The following CDH4 variants were observed in gnomAD, a reference collection of about 807,000 sequenced individuals.
CDH4 encodes cadherin 4, also known as cadherin-4.
Under a neutral mutation model 86.0 loss-of-function variants are expected in CDH4, and 33 were observed. The observed-to-expected ratio is 0.38, with a 90% CI of 0.29 to 0.51. CDH4 has a LOEUF of 0.51. Ranked by LOEUF, CDH4 falls within the 20% of genes least tolerant of loss-of-function variation. The probability of loss-of-function intolerance (pLI) is 0.86; values close to 1 mark genes in which losing one functional copy is unlikely to be tolerated. For synonymous variants in CDH4, 555 were observed against 549.4 expected, an observed-to-expected ratio of 1.01 and a Z score of -0.14; for missense variants, 1,114 against 1,307.4, an observed-to-expected ratio of 0.85 and a Z score of 2.28.
At chr20:61,722,632 C>T (rs2088055677) in intron 2 of CDH4, among the ~76,000 whole-genome samples, 1 of 140,922 alleles carries the variant, frequency 7.1e-6, no homozygotes, top group African/African-American at 3.2e-5. Context: ...AGGGCGCCCC[C>T]CCACCCCCCA....
In CDH4 at chr20:61,280,903, C is replaced by T. The variant is rs540551535; in HGVS notation, c.169+25966C>T. 9.2e-5 allele frequency among the ~76,000 whole-genome samples: 14 copies of T among 152,352 alleles called. No individual in the cohort carries two copies. In the South Asian group the frequency reaches 2.5e-3, roughly 27 times the overall value. On this transcript the variant is annotated intron_variant, in intron 2 of 15. Transcript: ENST00000614565. Reference sequence around the variant, plus strand: ...TAGGTGTCGGGGTCCAGGAACAGCTCACCCTGCCGCCCGCTGCCTGCTGCG... The same window carrying T: ...TAGGTGTCGGGGTCCAGGAACAGCTTACCCTGCCGCCCGCTGCCTGCTGCG...
chr20:61,382,376 AGGTG>A (rs1260838848), intron 2 of CDH4, among the ~76,000 whole-genome samples: 1 of 152,176 alleles, frequency 6.6e-6, no homozygotes, highest in African/African-American at 2.4e-5. Flanking sequence ...CCAAGAGGAA[AGGTG>A]GGTGAAACAC....
chr20:61,869,213 T>G (rs1983689343), intron 6 of CDH4, among the ~76,000 whole-genome samples: 1 of 152,194 alleles, frequency 6.6e-6, no homozygotes, highest in Non-Finnish European at 1.5e-5. Flanking sequence ...CCCTGTATTT[T>G]TAAAAACCAA....
intron 2 of CDH4, among the ~76,000 whole-genome samples, chr20:61,456,516 T>C (rs2085407686): frequency 2.0e-5 from 3 of 152,220 alleles, no homozygotes; most frequent in Non-Finnish European, 4.4e-5. Context: ...CTGCTATACA[T>C]CTCTCAATGC....
chr20:61,610,691 C>T lies in CDH4; in HGVS notation c.170-132872C>T, dbSNP rs748886823. Among the ~76,000 whole-genome samples, 39 of 152,146 alleles carry T rather than the reference C, an allele frequency of 2.6e-4. 1 individual carries two copies. The highest frequency in any genetic ancestry group is 6.2e-4 in the South Asian group (3 of 4,822). On this transcript the variant is annotated intron_variant, in intron 2 of 15. Transcript: ENST00000614565. Reference sequence around the variant, plus strand: ...TCTGTTGGGTGAGGTCATATTTCCCCAAGTGTTCTTGATGCCTGTGGACAT... The same window carrying T: ...TCTGTTGGGTGAGGTCATATTTCCCTAAGTGTTCTTGATGCCTGTGGACAT...
intron 2 of CDH4, among the ~76,000 whole-genome samples, chr20:61,551,667 A>C (rs1236724986): frequency 6.6e-6 from 1 of 152,186 alleles, no homozygotes; most frequent in Non-Finnish European, 1.5e-5. Context: ...TCTGCACAAT[A>C]GTGTCCTGTT....
intron 2 of CDH4, among the ~76,000 whole-genome samples, chr20:61,647,336 C>T (rs929718593): frequency 6.6e-6 from 1 of 152,068 alleles, no homozygotes; most frequent in Non-Finnish European, 1.5e-5. Flanking sequence ...CACGCTTTGC[C>T]CTAGCGCAAC....
chr20:61,617,927 A>G (rs986619648), intron 2 of CDH4, among the ~76,000 whole-genome samples: 7 of 152,150 alleles, frequency 4.6e-5, no homozygotes, highest in African/African-American at 1.7e-4. Flanking sequence ...TTCTCATGGT[A>G]GTGAGTGAAT....
chr20:61,599,848 C>T, intron 2 of CDH4: 1 of 985,604 alleles, frequency 1.0e-6, no homozygotes, highest in Non-Finnish European at 1.2e-6. Flanking sequence ...AGCCCGCTTC[C>T]CTTCGCCGCA....
chr20:61,900,191 T>C (rs1430038304), intron 8 of CDH4, among the ~76,000 whole-genome samples: 1 of 152,184 alleles, frequency 6.6e-6, no homozygotes, highest in Non-Finnish European at 1.5e-5. Flanking sequence ...GTGCCCACTC[T>C]GGCCAAGCCC....
At chr20:61,934,500 A>C (rs1377735375) in intron 15 of CDH4, among the ~76,000 whole-genome samples, 1 of 152,212 alleles carries the variant, frequency 6.6e-6, no homozygotes, top group African/African-American at 2.4e-5. Context: ...CTTCGTAAGA[A>C]TTCGGGTTTG....
intron 7 of CDH4, among the ~76,000 whole-genome samples, chr20:61,885,560 C>G (rs767323111): frequency 6.6e-6 from 1 of 152,334 alleles, no homozygotes; most frequent in Non-Finnish European, 1.5e-5. Context: ...CTGTTCGGCC[C>G]TTTTGGCTGC....
chr20:61,901,416 C>T (rs56146506), intron 8 of CDH4, among the ~76,000 whole-genome samples: 153 of 152,358 alleles, frequency 1.0e-3, no homozygotes, highest in Non-Finnish European at 1.4e-3. Context: ...TGTAGGTTTA[C>T]GCTATCAATT....
intron 2 of CDH4, among the ~76,000 whole-genome samples, chr20:61,737,461 C>A (rs948623251): frequency 6.6e-6 from 1 of 152,158 alleles, no homozygotes; most frequent in Non-Finnish European, 1.5e-5. Context: ...CCATCCCACC[C>A]CAGGGACCCC....
intron 2 of CDH4, among the ~76,000 whole-genome samples, chr20:61,559,176 G>A (rs954801114): frequency 1.3e-5 from 2 of 152,084 alleles, no homozygotes; most frequent in Admixed American, 1.3e-4. Flanking sequence ...AAATTAGCTG[G>A]GTGTGGTGGC....
intron 5 of CDH4, among the ~76,000 whole-genome samples, chr20:61,846,353 C>T (rs1179023412): frequency 2.0e-5 from 3 of 152,242 alleles, no homozygotes; most frequent in Non-Finnish European, 4.4e-5. Flanking sequence ...CCTGGCTATG[C>T]AGCAAGAGAC....
At chr20:61,932,875 T>C (rs2055130670) in intron 13 of CDH4, 110 bp from the exon 14 acceptor site, 1 of 1,414,894 alleles carries the variant, frequency 7.1e-7, no homozygotes, top group Admixed American at 2.1e-5. Context: ...GGCACAGTCA[T>C]GCTTGTGTGC....
intron 4 of CDH4, among the ~76,000 whole-genome samples, chr20:61,789,411 G>T (rs1979045540): frequency 6.6e-6 from 1 of 152,190 alleles, no homozygotes; most frequent in Non-Finnish European, 1.5e-5. Flanking sequence ...AATCAGCCAA[G>T]GTGCATGTCA....
intron 2 of CDH4, among the ~76,000 whole-genome samples, chr20:61,556,302 T>C (rs2086176999): frequency 6.6e-6 from 1 of 152,272 alleles, no homozygotes; most frequent in South Asian, 2.1e-4. Context: ...ATTCAGAACA[T>C]AGTGGAGAAT....
Sources: allele counts gnomAD v4.1 joint callset (sites outside exome capture counted in the v4.1 genomes callset), GRCh38; gene constraint gnomAD v4.1.1; transcripts MANE v1.5; gene names NCBI Gene and HGNC (gene_info 2026-07-23, HGNC 2026-07-21).